PDE7A: variants seen among roughly 807,000 people sequenced by gnomAD.
The protein encoded by PDE7A is high affinity 3',5'-cyclic-AMP phosphodiesterase 7A.
In PDE7A, 39 loss-of-function variants were observed where a neutral mutation model predicts 64.3. The ratio of observed to expected loss-of-function variants is 0.61; its 90% CI spans 0.47 to 0.79. The LOEUF is 0.79. PDE7A is among the 30% of genes least tolerant of loss of function. The probability of loss-of-function intolerance (pLI) is 0.00; values close to 1 mark genes in which losing one functional copy is unlikely to be tolerated. For missense variants in PDE7A, 470 were observed against 582.8 expected (o/e 0.81, Z 1.99); for synonymous variants, 203 against 206.8 (o/e 0.98, Z 0.16).
intron 1 of PDE7A, among the ~76,000 whole-genome samples, chr8:65,814,576 A>ATATG (rs11444323): frequency 0.084 from 12,643 of 151,134 alleles, 1,662 homozygotes; most frequent in East Asian, 0.55. Flanking sequence ...TACACATATA[A>ATATG]TACATACGAA....
At position 65,717,383 on chromosome 8, in the gene PDE7A, T is replaced by C. The variant is rs1471313755; in HGVS notation, c.*1907A>G. Reference sequence around the variant, plus strand: ...TAAAAAGGCCAATGATTGATAGAAATAAATACAACTAGTATTTTAGTACTT... The same window carrying C: ...TAAAAAGGCCAATGATTGATAGAAACAAATACAACTAGTATTTTAGTACTT... On this transcript the variant is annotated 3_prime_UTR_variant, in exon 13 of 13. Transcript: ENST00000401827. 1 of 152,214 alleles carries C rather than the reference T, an allele frequency of 6.6e-6. No homozygotes were observed. The highest frequency in any genetic ancestry group is 2.4e-5 in the African/African-American group (1 of 41,454). 9.4% of individuals were successfully genotyped at this position (152,214 alleles called of 1,614,324 possible).
chr8:65,727,071 T>G (rs1418512060), intron 8 of PDE7A, 99 bp downstream of exon 8: 1 of 997,202 alleles, frequency 1.0e-6, no homozygotes. Context: ...AATTCTAACA[T>G]TCATTGAGAA....
At chr8:65,745,674 T>C (rs1056980712) in intron 4 of PDE7A, among the ~76,000 whole-genome samples, 1 of 152,196 alleles carries the variant, frequency 6.6e-6, no homozygotes, top group Non-Finnish European at 1.5e-5. Context: ...AAATGAAACA[T>C]TATTTTGTTT....
intron 1 of PDE7A, among the ~76,000 whole-genome samples, chr8:65,783,202 A>T (rs530829031): frequency 2.0e-5 from 3 of 152,216 alleles, no homozygotes; most frequent in Admixed American, 6.5e-5. Flanking sequence ...AAGAAAGGAA[A>T]GGACAATCCA....
chr8:65,766,841 A>G (rs1022877661), intron 3 of PDE7A, among the ~76,000 whole-genome samples: 5 of 152,216 alleles, frequency 3.3e-5, no homozygotes, highest in African/African-American at 9.6e-5. Context: ...ACAAATCTGT[A>G]CCTTAATGGG....
chr8:65,737,810 T>C (rs1457286250), intron 6 of PDE7A, among the ~76,000 whole-genome samples: 1 of 152,164 alleles, frequency 6.6e-6, no homozygotes, highest in Non-Finnish European at 1.5e-5. Flanking sequence ...TGAGCCACCA[T>C]GCCCAGCATG....
intron 1 of PDE7A, among the ~76,000 whole-genome samples, chr8:65,797,524 C>G (rs1445524248): frequency 6.6e-6 from 1 of 152,216 alleles, no homozygotes; most frequent in African/African-American, 2.4e-5. Flanking sequence ...AGACTTCCAG[C>G]CTCCAGAAGT....
chr8:65,766,939 G>A (rs1040279848), intron 3 of PDE7A, among the ~76,000 whole-genome samples: 5 of 152,048 alleles, frequency 3.3e-5, no homozygotes, highest in Admixed American at 3.3e-4. Flanking sequence ...ATGGGTCTTG[G>A]AAAAGTATTA....
At chr8:65,786,350 A>G (rs1012019560) in intron 1 of PDE7A, among the ~76,000 whole-genome samples, 11 of 152,176 alleles carry the variant, frequency 7.2e-5, no homozygotes, top group African/African-American at 2.7e-4. Flanking sequence ...CCATCAACAA[A>G]TACATCCTGA....
At chr8:65,838,634 G>A (rs1275998907) in intron 1 of PDE7A, 1 of 152,164 alleles carries the variant, frequency 6.6e-6, no homozygotes, top group African/African-American at 2.4e-5. Context: ...TTTAAAAACA[G>A]GCTCTATTAA....
intron 1 of PDE7A, among the ~76,000 whole-genome samples, chr8:65,798,207 T>TG (rs552708184): frequency 9.1e-4 from 14 of 15,468 alleles, no homozygotes; most frequent in Non-Finnish European, 1.9e-3. Flanking sequence ...TATATATATA[T>TG]TTTTTTTTTT....
At chr8:65,798,120 C>CA (rs1265202529) in intron 1 of PDE7A, among the ~76,000 whole-genome samples, 1 of 139,748 alleles carries the variant, frequency 7.2e-6, no homozygotes, top group African/African-American at 2.7e-5. Context: ...GAACTTGTAC[C>CA]AAAAAAAGGC....
intron 1 of PDE7A, among the ~76,000 whole-genome samples, chr8:65,812,338 T>G (rs2128930197): frequency 6.6e-6 from 1 of 152,136 alleles, no homozygotes; most frequent in African/African-American, 2.4e-5. Context: ...TCGGAGAAAC[T>G]GGCTAGTAAA....
chr8:65,803,185 A>G (rs777527794), intron 1 of PDE7A, among the ~76,000 whole-genome samples: 10 of 152,192 alleles, frequency 6.6e-5, no homozygotes, highest in Non-Finnish European at 1.3e-4. Context: ...CAGTGCTCTG[A>G]TAATATATTC....
intron 1 of PDE7A, among the ~76,000 whole-genome samples, chr8:65,787,262 T>C (rs952424950): frequency 6.6e-6 from 1 of 152,236 alleles, no homozygotes; most frequent in African/African-American, 2.4e-5. Flanking sequence ...AAAATCTCAT[T>C]CAACCCACAC....
chr8:65,768,433 T>C (rs1482950861), intron 3 of PDE7A, among the ~76,000 whole-genome samples: 1 of 152,108 alleles, frequency 6.6e-6, no homozygotes, highest in Non-Finnish European at 1.5e-5. Context: ...TCTCATGGTT[T>C]TAAAAAGGGG....
At chr8:65,726,397 A>G (rs563593730) in intron 9 of PDE7A, among the ~76,000 whole-genome samples, 1 of 151,900 alleles carries the variant, frequency 6.6e-6, no homozygotes, top group South Asian at 2.1e-4. Flanking sequence ...TAGAAGTGTG[A>G]CTCCAGGATT....
chr8:65,818,054 CTTT>C (rs938557407), intron 1 of PDE7A, among the ~76,000 whole-genome samples: 2 of 152,056 alleles, frequency 1.3e-5, no homozygotes, highest in African/African-American at 4.8e-5. Context: ...ACCCAGCCAG[CTTT>C]TTTGTTATTT....
chr8:65,831,652 C>CA (rs771604227), intron 1 of PDE7A, among the ~76,000 whole-genome samples: 4,144 of 137,812 alleles, frequency 0.03, 80 homozygotes, highest in Middle Eastern at 0.083. Flanking sequence ...TATGACTTAC[C>CA]AAAAAAAAAA....
Sources: allele counts gnomAD v4.1 joint callset (sites outside exome capture counted in the v4.1 genomes callset), GRCh38; gene constraint gnomAD v4.1.1; transcripts MANE v1.5; gene names NCBI Gene and HGNC (gene_info 2026-07-23, HGNC 2026-07-21).